DTWD2: variants seen among roughly 807,000 people sequenced by gnomAD.
The protein encoded by DTWD2 is tRNA-uridine aminocarboxypropyltransferase 2.
Under a neutral mutation model 31.8 loss-of-function variants are expected in DTWD2, and 39 were observed. That is an observed-to-expected ratio of 1.22 (90% confidence interval 0.95 to 1.60). The LOEUF (loss-of-function observed/expected upper bound fraction) is 1.60, where lower values mean the gene tolerates loss of function less well. Ranked by LOEUF, DTWD2 falls within the 40% of genes most tolerant of loss-of-function variation. The probability of loss-of-function intolerance (pLI) is 0.00; values close to 1 mark genes in which losing one functional copy is unlikely to be tolerated. For synonymous variants in DTWD2, 180 were observed against 142.8 expected (o/e 1.26, Z -1.86); for missense variants, 515 against 381.5 (o/e 1.35, Z -2.92).
chr5:118,854,111 C>T (rs1490287168), intron 4 of DTWD2, among the ~76,000 whole-genome samples: 1 of 152,046 alleles, frequency 6.6e-6, no homozygotes, highest in African/African-American at 2.4e-5. Context: ...TCACTTACAG[C>T]ATACAAATAT....
chr5:118,974,269 C>T (rs1182161766), intron 1 of DTWD2: 7 of 716,128 alleles, frequency 9.8e-6, no homozygotes, highest in African/African-American at 1.8e-5. Context: ...CCGCAGATGA[C>T]ACGCGCTCTC....
chr5:118,919,899 G>C (rs1753663400), intron 4 of DTWD2, among the ~76,000 whole-genome samples: 1 of 152,060 alleles, frequency 6.6e-6, no homozygotes, highest in African/African-American at 2.4e-5. Context: ...ATACATGTAA[G>C]ATGTAGTCAC....
In DTWD2 at chr5:118,853,728, AG is replaced by A. The variant is rs1304068873; in HGVS notation, c.598-5511del. ...ACACAGAAATAAAGATAGGACCCAC[AG>A]ACACAGAGGGGAGGAGGGCAAGGAT... On this transcript the variant is annotated intron_variant, in intron 4 of 5. Coordinates refer to ENST00000510708, the MANE Select transcript of DTWD2 (RefSeq NM_173666.4). Among the ~76,000 whole-genome samples the A allele has an allele frequency of 2.6e-5, 4 of 152,330 alleles. No individual in the cohort carries two copies. The East Asian group carries it at 5.8e-4, about 22-fold the overall frequency.
intron 1 of DTWD2, among the ~76,000 whole-genome samples, chr5:118,964,968 C>T (rs1208807279): frequency 8.5e-5 from 13 of 152,064 alleles, no homozygotes; most frequent in African/African-American, 1.7e-4. Flanking sequence ...CGCCTCTTCC[C>T]GGCCGCCATC....
At chr5:118,977,073 C>T (rs1197846429) in intron 1 of DTWD2, among the ~76,000 whole-genome samples, 2 of 152,140 alleles carry the variant, frequency 1.3e-5, no homozygotes, top group Non-Finnish European at 2.9e-5. Flanking sequence ...ATAAACAGAA[C>T]CAATGACAAA....
At chr5:118,955,290 C>G (rs1754559712) in intron 1 of DTWD2, among the ~76,000 whole-genome samples, 1 of 152,106 alleles carries the variant, frequency 6.6e-6, no homozygotes, top group Non-Finnish European at 1.5e-5. Context: ...TTATATTTAG[C>G]AAGTTACTTT....
At chr5:118,923,950 T>A (rs1181509556) in intron 4 of DTWD2, among the ~76,000 whole-genome samples, 1 of 152,052 alleles carries the variant, frequency 6.6e-6, no homozygotes, top group Non-Finnish European at 1.5e-5. Context: ...TAAAAAATTC[T>A]AAAAAAAATT....
At chr5:118,962,874 T>C (rs1346991861) in intron 1 of DTWD2, among the ~76,000 whole-genome samples, 3 of 152,222 alleles carry the variant, frequency 2.0e-5, no homozygotes, top group Non-Finnish European at 4.4e-5. Flanking sequence ...CTTGGTTCTG[T>C]CTGATTCCAA....
At chr5:118,863,715 G>C (rs1437973516) in intron 4 of DTWD2, among the ~76,000 whole-genome samples, 2 of 152,184 alleles carry the variant, frequency 1.3e-5, no homozygotes, top group Non-Finnish European at 2.9e-5. Flanking sequence ...ACATTCTCAT[G>C]GAAGGAGCAG....
chr5:118,893,184 C>T (rs561743147), intron 4 of DTWD2, among the ~76,000 whole-genome samples: 5 of 151,872 alleles, frequency 3.3e-5, no homozygotes, highest in East Asian at 1.9e-4. Flanking sequence ...AGACTAGCCT[C>T]GCCAACATGG....
Position 118,888,685 on chromosome 5 carries a change from C to A in DTWD2, c.597+39852G>T, listed in dbSNP as rs564747260. On this transcript the variant is annotated intron_variant, in intron 4 of 5. Coordinates refer to ENST00000510708, the MANE Select transcript of DTWD2 (RefSeq NM_173666.4). The stretch of plus-strand genomic sequence containing the variant: ...AACTTTTCAAGAAACTGCCAAAATA[C>A]GTTTCAGAGTGATACTATCATTTTA... Among the ~76,000 whole-genome samples, 45 of 152,282 alleles carry A rather than the reference C, an allele frequency of 3.0e-4. No homozygotes were observed. In the East Asian group the frequency reaches 7.3e-3, roughly 25 times the overall value.
At chr5:118,922,214 T>C (rs1282976381) in intron 4 of DTWD2, among the ~76,000 whole-genome samples, 1 of 152,218 alleles carries the variant, frequency 6.6e-6, no homozygotes, top group African/African-American at 2.4e-5. Context: ...GGAGGCCAAG[T>C]TAATGGGTTT....
intron 4 of DTWD2, among the ~76,000 whole-genome samples, chr5:118,905,243 G>A (rs556952228): frequency 2.0e-5 from 3 of 151,976 alleles, no homozygotes; most frequent in South Asian, 4.2e-4. Context: ...CTTTTTCCAA[G>A]GAACTAATAA....
intron 2 of DTWD2, 34 bp downstream of exon 2, chr5:118,944,525 T>C (rs1331961541): frequency 1.3e-6 from 2 of 1,592,170 alleles, no homozygotes; most frequent in African/African-American, 1.3e-5. Context: ...GGACTCATAT[T>C]CTATTTGAAA....
chr5:118,935,495 T>C (rs754961498), intron 3 of DTWD2, among the ~76,000 whole-genome samples: 13 of 152,164 alleles, frequency 8.5e-5, no homozygotes, highest in Non-Finnish European at 1.8e-4. Flanking sequence ...CTAGTATTAT[T>C]GCAAAATTGA....
At chr5:118,898,844 A>G (rs925085798) in intron 4 of DTWD2, among the ~76,000 whole-genome samples, 1 of 152,224 alleles carries the variant, frequency 6.6e-6, no homozygotes, top group East Asian at 1.9e-4. Flanking sequence ...GGAAAAGGTT[A>G]TCCTTAGCCT....
At chr5:118,963,327 C>T (rs374001813) in intron 1 of DTWD2, among the ~76,000 whole-genome samples, 7 of 152,142 alleles carry the variant, frequency 4.6e-5, no homozygotes, top group African/African-American at 1.7e-4. Context: ...GCAGAAAGCA[C>T]AGATGAGGGA....
intron 4 of DTWD2, among the ~76,000 whole-genome samples, chr5:118,855,680 G>A (rs1752117106): frequency 6.6e-6 from 1 of 151,876 alleles, no homozygotes; most frequent in Non-Finnish European, 1.5e-5. Flanking sequence ...TATAACTCAA[G>A]GTTACCACCC....
At chr5:118,944,982 A>G (rs553483569) in intron 1 of DTWD2, among the ~76,000 whole-genome samples, 2 of 152,344 alleles carry the variant, frequency 1.3e-5, no homozygotes, top group African/African-American at 4.8e-5. Context: ...AATCAAAAAG[A>G]GATCTCATAT....
Sources: allele counts gnomAD v4.1 joint callset (sites outside exome capture counted in the v4.1 genomes callset), GRCh38; gene constraint gnomAD v4.1.1; transcripts MANE v1.5; gene names NCBI Gene and HGNC (gene_info 2026-07-23, HGNC 2026-07-21).